Variants in FAM135A observed in about 807,000 individuals in gnomAD.
FAM135A encodes family with sequence similarity 135 member A, also known as protein FAM135A.
A neutral mutation model predicts 146.8 loss-of-function variants in FAM135A; 79 were observed. The ratio of observed to expected loss-of-function variants is 0.54; its 90% CI spans 0.45 to 0.65. The LOEUF is 0.65. FAM135A is among the 30% of genes least tolerant of loss of function. The pLI is 0.00. For missense variants in FAM135A, 1,623 were observed against 1,758.2 expected (o/e 0.92, Z 1.38); for synonymous variants, 562 against 603.6 (o/e 0.93, Z 1.01).
rs998061909 is a variant in FAM135A, at chr6:70,538,337, G to A, written c.4164G>A (p.Gln1388=). ...QKWKKSGSLL[Q]LTCRDHSDPR... is the part of the protein sequence containing the mutation. Reference sequence around the variant, plus strand: ...GGAAAAAATCAGGTTCGCTTTTGCAGCTGACATGTCGAGATCACTCAGACC... The same window carrying A: ...GGAAAAAATCAGGTTCGCTTTTGCAACTGACATGTCGAGATCACTCAGACC... Residue 1388 remains glutamine, a synonymous_variant, in exon 20 of 22, where the codon CAG becomes CAA. Coordinates refer to ENST00000418814, the MANE Select transcript of FAM135A (RefSeq NM_001162529.3). 6.5e-7 allele frequency: 1 copy of A among 1,528,804 alleles called. No individual in the cohort carries two copies. The highest frequency in any genetic ancestry group is 8.8e-7 in the Non-Finnish European group (1 of 1,131,230). The allele number at this position is 1,528,804 out of a possible 1,614,324, so 94.7% of individuals were successfully genotyped here. A position where few individuals can be genotyped will look rare whatever the true frequency, so the allele number is the denominator to read the frequency against.
chr6:70,476,513 T>C (rs924882644), intron 7 of FAM135A, among the ~76,000 whole-genome samples: 1 of 152,072 alleles, frequency 6.6e-6, no homozygotes, highest in African/African-American at 2.4e-5. Context: ...CTTTTTTTTT[T>C]CACCAAGTCA....
intron 5 of FAM135A, among the ~76,000 whole-genome samples, chr6:70,458,905 G>A (rs1411874994): frequency 2.6e-5 from 4 of 152,054 alleles, no homozygotes; most frequent in African/African-American, 9.7e-5. Flanking sequence ...TAGTACTAAC[G>A]AGTTCTTACA....
chr6:70,529,906 C>CA (rs966517847), intron 16 of FAM135A, among the ~76,000 whole-genome samples: 11 of 151,646 alleles, frequency 7.3e-5, no homozygotes, highest in Admixed American at 2.6e-4. Context: ...ACTAAAAATA[C>CA]AAAAAAAATT....
At chr6:70,502,524 CTT>C in intron 11 of FAM135A, 110 bp from the exon 12 acceptor site, 4 of 1,119,470 alleles carry the variant, frequency 3.6e-6, no homozygotes, top group Non-Finnish European at 2.5e-6. Context: ...ATGCACATCT[CTT>C]TTTTTAAACC....
intron 11 of FAM135A, among the ~76,000 whole-genome samples, chr6:70,495,018 T>C (rs1272593667): frequency 1.3e-5 from 2 of 152,194 alleles, no homozygotes; most frequent in Admixed American, 1.3e-4. Flanking sequence ...TCAGCTTATG[T>C]CAGCTTATAT....
rs1261532370 is a variant in FAM135A, at chr6:70,538,910, A to T, written c.4228+509A>T. ...GTCAGAAACTAAACTATTAATGATT[A>T]TCCTTTCTACAATTCTCACTACTGG... On this transcript the variant is annotated intron_variant, in intron 20 of 21. Transcript: ENST00000418814. Among the ~76,000 whole-genome samples, 3 of 120,560 alleles carry T rather than the reference A, an allele frequency of 2.5e-5. 1 individual carries two copies. The highest frequency in any genetic ancestry group is 8.3e-5 in the African/African-American group (3 of 36,022). 79.1% of individuals were successfully genotyped at this position (120,560 alleles called of 152,430 possible).
intron 12 of FAM135A, among the ~76,000 whole-genome samples, chr6:70,508,724 A>G (rs1790345918): frequency 2.0e-5 from 3 of 152,222 alleles, no homozygotes; most frequent in Non-Finnish European, 4.4e-5. Context: ...ATATTTATAA[A>G]TAAAGATCCT....
rs527635146 is a variant in FAM135A at position 70,455,223 on chromosome 6, C to T, written c.157+2652C>T. Among the ~76,000 whole-genome samples, 7 of 152,206 alleles carry T rather than the reference C, an allele frequency of 4.6e-5. No homozygotes were observed. The South Asian group carries it at 1.2e-3, about 27-fold the overall frequency. On this transcript the variant is annotated intron_variant, in intron 5 of 21. Coordinates refer to ENST00000418814, the MANE Select transcript of FAM135A (RefSeq NM_001162529.3). ...ATGGGAGTTCACTCATGATTTGGCT[C>T]TCTGTCTGTTATTGGTGTATAGGAA...
chr6:70,444,867 T>C (rs949763470), intron 4 of FAM135A, among the ~76,000 whole-genome samples: 2 of 152,230 alleles, frequency 1.3e-5, no homozygotes, highest in Non-Finnish European at 2.9e-5. Context: ...TAACAGTTTA[T>C]TGACATAGCA....
intron 4 of FAM135A, among the ~76,000 whole-genome samples, chr6:70,445,143 G>T (rs1197125969): frequency 6.6e-6 from 1 of 152,206 alleles, no homozygotes; most frequent in Admixed American, 6.5e-5. Context: ...ATAAACAGGG[G>T]TGGTAAAACT....
chr6:70,548,636 G>GA (rs1799273979), intron 20 of FAM135A, among the ~76,000 whole-genome samples: 1 of 152,074 alleles, frequency 6.6e-6, no homozygotes, highest in Non-Finnish European at 1.5e-5. Context: ...GAGCTATTTT[G>GA]AAAAATGTCT....
intron 20 of FAM135A, among the ~76,000 whole-genome samples, chr6:70,548,280 A>G (rs1040448558): frequency 1.3e-5 from 2 of 152,226 alleles, no homozygotes; most frequent in Non-Finnish European, 2.9e-5. Flanking sequence ...GTGCAAAAGC[A>G]CAATATCAGT....
intron 16 of FAM135A, among the ~76,000 whole-genome samples, chr6:70,530,021 G>A (rs908938606): frequency 3.3e-5 from 5 of 151,902 alleles, no homozygotes; most frequent in Non-Finnish European, 7.4e-5. Flanking sequence ...CTGAGATCGC[G>A]CCACTGCACT....
intron 2 of FAM135A, chr6:70,418,261 G>C (rs1341316484): frequency 6.6e-6 from 1 of 152,196 alleles, no homozygotes; most frequent in Non-Finnish European, 1.5e-5. Flanking sequence ...AGAAGGTCAT[G>C]AGTGATGATG....
intron 11 of FAM135A, among the ~76,000 whole-genome samples, chr6:70,496,370 T>C (rs183802409): frequency 6.6e-6 from 1 of 152,000 alleles, no homozygotes; most frequent in Admixed American, 6.5e-5. Flanking sequence ...TTCTGGTAAA[T>C]TTGTTTAAGT....
chr6:70,517,785 A>G (rs896017811), intron 12 of FAM135A, among the ~76,000 whole-genome samples: 4 of 152,154 alleles, frequency 2.6e-5, no homozygotes, highest in Admixed American at 1.3e-4. Context: ...TGATGTTACT[A>G]TTGGAATTGT....
chr6:70,532,985 G>C (rs910512695), intron 16 of FAM135A, among the ~76,000 whole-genome samples, 175 bp from the exon 17 acceptor site: 12 of 152,000 alleles, frequency 7.9e-5, no homozygotes, highest in African/African-American at 2.9e-4. Flanking sequence ...GACATTGCCT[G>C]GCTAATAGAA....
intron 18 of FAM135A, 62 bp from the exon 19 acceptor site, chr6:70,536,198 G>T: frequency 6.8e-7 from 1 of 1,480,614 alleles, no homozygotes; most frequent in Non-Finnish European, 9.1e-7. Flanking sequence ...TAGTGGATCA[G>T]CTTTGATTTT....
chr6:70,509,129 C>A (rs890498688), intron 12 of FAM135A, among the ~76,000 whole-genome samples: 5 of 152,074 alleles, frequency 3.3e-5, no homozygotes, highest in Admixed American at 1.3e-4. Context: ...CATTTAAATT[C>A]ATCACATTAA....
Sources: allele counts gnomAD v4.1 joint callset (sites outside exome capture counted in the v4.1 genomes callset), GRCh38; gene constraint gnomAD v4.1.1; transcripts MANE v1.5; gene names NCBI Gene and HGNC (gene_info 2026-07-23, HGNC 2026-07-21).